The following TRIO variants were observed in gnomAD, a reference collection of about 807,000 sequenced individuals.
TRIO encodes triple functional domain protein.
TRIO carries 58 observed loss-of-function variants against 351.9 expected under a neutral mutation model. The observed-to-expected ratio is 0.16, with a 90% CI of 0.13 to 0.21. The LOEUF is 0.21. TRIO is among the 10% of genes least tolerant of loss of function. The probability of loss-of-function intolerance (pLI) is 1.00; values close to 1 mark genes in which losing one functional copy is unlikely to be tolerated. For missense variants in TRIO, 3,201 were observed against 4,027.8 expected (o/e 0.79, Z 5.56); for synonymous variants, 1,758 against 1,595.7 (o/e 1.10, Z -2.42).
At chr5:14,378,263 G>A (rs1745743903) in intron 20 of TRIO, 136 bp downstream of exon 20, 2 of 605,688 alleles carry the variant, frequency 3.3e-6, no homozygotes, top group Admixed American at 3.0e-5. Flanking sequence ...TTCTAGTTAA[G>A]TTTGTTATAA....
intron 34 of TRIO, among the ~76,000 whole-genome samples, chr5:14,425,140 T>TA (rs1490470015): frequency 2.0e-5 from 3 of 152,250 alleles, no homozygotes; most frequent in Non-Finnish European, 4.4e-5. Flanking sequence ...TTCACATTGT[T>TA]ATGCAGCCGT....
intron 34 of TRIO, among the ~76,000 whole-genome samples, chr5:14,439,431 C>T (rs1230361986): frequency 1.3e-5 from 2 of 152,208 alleles, no homozygotes; most frequent in African/African-American, 2.4e-5. Context: ...ACTTATATTA[C>T]ACATAAAGTA....
intron 1 of TRIO, among the ~76,000 whole-genome samples, chr5:14,199,088 T>G (rs1006123910): frequency 3.4e-5 from 5 of 147,866 alleles, no homozygotes; most frequent in African/African-American, 9.9e-5. Context: ...AATACAAAAA[T>G]TAACCAGGCA....
At chr5:14,392,130 A>G (rs1490733875) in intron 27 of TRIO, among the ~76,000 whole-genome samples, 1 of 152,174 alleles carries the variant, frequency 6.6e-6, no homozygotes, top group African/African-American at 2.4e-5. Context: ...AAAATAAACT[A>G]TCATCAGAGT....
intron 34 of TRIO, among the ~76,000 whole-genome samples, chr5:14,425,085 C>T: frequency 6.6e-6 from 1 of 152,206 alleles, no homozygotes; most frequent in Non-Finnish European, 1.5e-5. Context: ...CAAAATGTAT[C>T]ATCTTAACCA....
chr5:14,468,812 G>A (rs1754467466), intron 37 of TRIO, among the ~76,000 whole-genome samples: 1 of 152,174 alleles, frequency 6.6e-6, no homozygotes, highest in African/African-American at 2.4e-5. Flanking sequence ...GGAGAGGAGA[G>A]AAGATGTTCA....
At chr5:14,454,113 GA>G (rs2126447612) in intron 34 of TRIO, among the ~76,000 whole-genome samples, 1 of 152,258 alleles carries the variant, frequency 6.6e-6, no homozygotes, top group East Asian at 1.9e-4. Flanking sequence ...AATTTTAGTA[GA>G]AACAGGGTTT....
chr5:14,483,936 G>A (rs2441204), intron 46 of TRIO, among the ~76,000 whole-genome samples: 2 of 151,582 alleles, frequency 1.3e-5, no homozygotes, highest in South Asian at 2.1e-4. Flanking sequence ...GCACCCATAC[G>A]CTGAACTGCA....
chr5:14,456,763 C>T (rs1340625938), intron 34 of TRIO, among the ~76,000 whole-genome samples: 1 of 152,222 alleles, frequency 6.6e-6, no homozygotes, highest in Non-Finnish European at 1.5e-5. Context: ...CTTAATTCTA[C>T]TCAAGATACC....
chr5:14,274,547 T>C (rs745649960), intron 2 of TRIO, among the ~76,000 whole-genome samples: 20 of 152,348 alleles, frequency 1.3e-4, no homozygotes, highest in Middle Eastern at 3.4e-3. Flanking sequence ...ATTCTACTTA[T>C]GTCCTTTCTT....
In TRIO at chr5:14,379,755, A is replaced by T. The variant is rs146602224; in HGVS notation, c.3448-1375A>T. On this transcript the variant is annotated intron_variant, in intron 20 of 56. Coordinates refer to ENST00000344204, the MANE Select transcript of TRIO (RefSeq NM_007118.4). ...TTGGCAGAGAAAGATAATGGAATGT[A>T]TTGTTGCATTTTCCTAAAGTCCGCT... Among the ~76,000 whole-genome samples the T allele has an allele frequency of 1.0e-3, 155 of 152,370 alleles. 1 individual carries two copies. Among genetic ancestry groups the T allele is most frequent in the Non-Finnish European group, 1.4e-3 (93 of 68,036 alleles).
At chr5:14,371,391 A>G (rs1302966630) in intron 18 of TRIO, among the ~76,000 whole-genome samples, 1 of 152,208 alleles carries the variant, frequency 6.6e-6, no homozygotes, top group Non-Finnish European at 1.5e-5. Context: ...GTACAAAAGG[A>G]GAGAGAATGG....
Position 14,330,827 on chromosome 5 carries a change from C to G in TRIO, c.1781C>G (p.Thr594Arg). 6.2e-7 allele frequency: 1 copy of G among 1,614,054 alleles called. No homozygotes were observed. The highest frequency in any genetic ancestry group is 8.5e-7 in the Non-Finnish European group (1 of 1,179,966). Residue 594 changes from threonine (T) to arginine (R), a missense_variant, in exon 10 of 57, where the codon ACA (threonine) becomes AGA (arginine). Physicochemically the swap from Thr to Arg is moderately conservative, Grantham distance 71. This residue lies in a region of TRIO where 38 missense variants were observed against 93.4 expected (regional missense o/e 0.41). Coordinates refer to ENST00000344204, the MANE Select transcript of TRIO (RefSeq NM_007118.4). ...NHGEAFLSKH[T>R]GVGKSLHRAR... The stretch of plus-strand genomic sequence containing the variant: ...GGAGAAGCATTTCTGAGCAAACATA[C>G]AGGTGTGGGGAAATCTCTTCATCGG...
chr5:14,444,731 AAG>A (rs1457234557), intron 34 of TRIO, among the ~76,000 whole-genome samples: 1 of 152,276 alleles, frequency 6.6e-6, no homozygotes, highest in Non-Finnish European at 1.5e-5. Context: ...AACACGAAAA[AAG>A]AGTGTTACAC....
chr5:14,449,475 C>G lies in TRIO; in HGVS notation c.5204-11544C>G, dbSNP rs114677008. On this transcript the variant is annotated intron_variant, in intron 34 of 56. Coordinates refer to ENST00000344204, the MANE Select transcript of TRIO (RefSeq NM_007118.4). Reference sequence around the variant, plus strand: ...CAAGACGTGACTCACTAAGACTAGCCCAACAACCACCACTTGATTCCTATG... The same window carrying G: ...CAAGACGTGACTCACTAAGACTAGCGCAACAACCACCACTTGATTCCTATG... Among the ~76,000 whole-genome samples the G allele has an allele frequency of 5.8e-3, 877 of 152,302 alleles. 10 individuals carry two copies. The highest frequency in any genetic ancestry group is 0.02 in the African/African-American group (827 of 41,564).
At chr5:14,430,901 G>A (rs954511734) in intron 34 of TRIO, among the ~76,000 whole-genome samples, 3 of 152,006 alleles carry the variant, frequency 2.0e-5, no homozygotes, top group South Asian at 2.1e-4. Context: ...AAATGGAGGC[G>A]GAGTTTCACT....
At chr5:14,266,990 A>G (rs547085698) in intron 1 of TRIO, among the ~76,000 whole-genome samples, 11 of 152,322 alleles carry the variant, frequency 7.2e-5, no homozygotes, top group African/African-American at 2.2e-4. Context: ...ATTAGAGTCC[A>G]TAATGGTTGC....
At chr5:14,298,070 G>T (rs924456831) in intron 7 of TRIO, among the ~76,000 whole-genome samples, 1 of 152,232 alleles carries the variant, frequency 6.6e-6, no homozygotes, top group Non-Finnish European at 1.5e-5. Flanking sequence ...GCCCGCAAGG[G>T]TGAGGGAGGA....
chr5:14,447,607 T>A (rs996430106), intron 34 of TRIO, among the ~76,000 whole-genome samples: 11 of 152,222 alleles, frequency 7.2e-5, no homozygotes, highest in Admixed American at 2.6e-4. Context: ...TTCAACTTTT[T>A]AAAAAATCTG....
Sources: allele counts gnomAD v4.1 joint callset (sites outside exome capture counted in the v4.1 genomes callset), GRCh38; gene constraint gnomAD v4.1.1; regional missense constraint gnomAD v4.1.1; transcripts MANE v1.5; gene names NCBI Gene and HGNC (gene_info 2026-07-23, HGNC 2026-07-21).